The following TUSC3 variants were observed in gnomAD, a reference collection of about 807,000 sequenced individuals.
TUSC3 encodes dolichyl-diphosphooligosaccharide--protein glycosyltransferase subunit TUSC3.
A neutral mutation model predicts 44.8 loss-of-function variants in TUSC3; 45 were observed. That is an observed-to-expected ratio of 1.00 (90% CI 0.79 to 1.29). The LOEUF (loss-of-function observed/expected upper bound fraction) is 1.29, where lower values mean the gene tolerates loss of function less well. Among genes scored for constraint, TUSC3 ranks in the 50% most tolerant of loss-of-function variants. TUSC3 has a pLI of 0.00. For synonymous variants in TUSC3, 212 were observed against 152.9 expected, an observed-to-expected ratio of 1.39 and a Z score of -2.85; for missense variants, 519 against 437.9, an observed-to-expected ratio of 1.19 and a Z score of -1.65.
intron 3 of TUSC3, among the ~76,000 whole-genome samples, chr8:15,656,992 T>A (rs1404410733): frequency 4.6e-5 from 7 of 152,154 alleles, no homozygotes. Flanking sequence ...TACAGCAGTA[T>A]GCAGGGAGTG....
intron 2 of TUSC3, among the ~76,000 whole-genome samples, chr8:15,633,094 A>ATG (rs376886918): frequency 2.6e-5 from 4 of 151,036 alleles, no homozygotes; most frequent in Non-Finnish European, 5.9e-5. Context: ...TTCTGTGGGG[A>ATG]TGTGTGTGTG....
intron 2 of TUSC3, among the ~76,000 whole-genome samples, chr8:15,497,386 G>A (rs77863079): frequency 0.023 from 3,504 of 152,244 alleles, 60 homozygotes; most frequent in Middle Eastern, 0.051. Context: ...AGCCTGCCTC[G>A]CTCTTGCCCT....
intron 1 of TUSC3, among the ~76,000 whole-genome samples, chr8:15,555,643 G>C (rs1021155741): frequency 6.6e-6 from 1 of 151,462 alleles, no homozygotes; most frequent in Non-Finnish European, 1.5e-5. Flanking sequence ...ATTTTACTTC[G>C]AAGGTCTCAA....
At chr8:15,481,105 C>T (rs1263747995) in intron 1 of TUSC3, among the ~76,000 whole-genome samples, 1 of 151,854 alleles carries the variant, frequency 6.6e-6, no homozygotes, top group Admixed American at 6.6e-5. Flanking sequence ...AAAAATATCC[C>T]AGTGTGGTGG....
At chr8:15,771,653 G>A in the TUSC3 span, among the ~76,000 whole-genome samples, 1 of 152,060 alleles carries the variant, frequency 6.6e-6, no homozygotes, top group Non-Finnish European at 1.5e-5. Flanking sequence ...AAAACAACCA[G>A]TGGATCACAG....
the TUSC3 span, among the ~76,000 whole-genome samples, chr8:15,786,188 TAA>T: frequency 6.6e-6 from 1 of 152,170 alleles, no homozygotes; most frequent in Non-Finnish European, 1.5e-5. Flanking sequence ...CTCACACCTC[TAA>T]AGAGACCACT....
chr8:15,754,022 C>T (rs1303469335), intron 9 of TUSC3, among the ~76,000 whole-genome samples: 1 of 151,958 alleles, frequency 6.6e-6, no homozygotes, highest in Non-Finnish European at 1.5e-5. Flanking sequence ...AACATAGCAC[C>T]ACGTTGTTAA....
the TUSC3 span, among the ~76,000 whole-genome samples, chr8:15,791,709 A>G: frequency 6.6e-6 from 1 of 152,192 alleles, no homozygotes; most frequent in Non-Finnish European, 1.5e-5. Context: ...AGAAATTAAG[A>G]AACTTCATTT....
chr8:15,728,637 A>G (rs1378502032), intron 6 of TUSC3, among the ~76,000 whole-genome samples: 1 of 152,082 alleles, frequency 6.6e-6, no homozygotes, highest in Non-Finnish European at 1.5e-5. Context: ...ATAGAAAGGG[A>G]TATCAGGAGT....
intron 2 of TUSC3, among the ~76,000 whole-genome samples, chr8:15,641,718 G>C (rs1806380936): frequency 6.6e-6 from 1 of 152,204 alleles, no homozygotes; most frequent in African/African-American, 2.4e-5. Context: ...TTACAAAGTT[G>C]AAAGCCAGTC....
intron 1 of TUSC3, among the ~76,000 whole-genome samples, chr8:15,614,409 A>G (rs1482179432): frequency 2.0e-5 from 3 of 152,154 alleles, no homozygotes; most frequent in African/African-American, 7.2e-5. Context: ...AGAACATTTT[A>G]TCTCTTCAGT....
At chr8:15,495,598 C>T (rs1193222137) in intron 2 of TUSC3, among the ~76,000 whole-genome samples, 2 of 152,186 alleles carry the variant, frequency 1.3e-5, no homozygotes, top group South Asian at 2.1e-4. Flanking sequence ...TGTGTATTCC[C>T]CTCCCCTAAT....
rs1169109818 is a variant in TUSC3 at position 15,662,160 on chromosome 8, G to A, written c.572G>A (p.Arg191Gln). The change falls in exon 5 of 11, where the codon CGG (arginine) becomes CAG (glutamine). Residue 191 changes from arginine (R) to glutamine (Q), a missense_variant. By Grantham distance (43) the Arg-to-Gln change is conservative. Coordinates refer to ENST00000503731, the MANE Select transcript of TUSC3 (RefSeq NM_006765.4). Reference protein sequence around the residue: ...WIADRTDVHIRVFRPPNYSGT... With the variant: ...WIADRTDVHIQVFRPPNYSGT... ...ATTTCTATTGCATTTTTGCAGATTC[G>A]GGTTTTCAGACCACCCAACTACTCT... The A allele has an allele frequency of 1.2e-6, 2 of 1,612,118 alleles. No individual in the cohort carries two copies. Among genetic ancestry groups the A allele is most frequent in the Admixed American group, 1.7e-5 (1 of 59,842 alleles).
chr8:15,648,536 C>G (rs1304852300), intron 2 of TUSC3, among the ~76,000 whole-genome samples: 1 of 151,552 alleles, frequency 6.6e-6, no homozygotes, highest in African/African-American at 2.4e-5. Context: ...ACCATCCTGG[C>G]TAAGACGGTG....
chr8:15,469,371 G>C (rs764666825), intron 1 of TUSC3, among the ~76,000 whole-genome samples: 3 of 152,082 alleles, frequency 2.0e-5, no homozygotes, highest in Non-Finnish European at 2.9e-5. Context: ...CATCACCGAA[G>C]ATATACAGAT....
At chr8:15,737,518 A>G (rs1022183828) in intron 7 of TUSC3, among the ~76,000 whole-genome samples, 4 of 152,186 alleles carry the variant, frequency 2.6e-5, no homozygotes. Flanking sequence ...CAGCAAAGAA[A>G]CTGGAGTGTG....
chr8:15,849,666 C>T, the TUSC3 span, among the ~76,000 whole-genome samples: 1 of 152,226 alleles, frequency 6.6e-6, no homozygotes, highest in East Asian at 1.9e-4. Flanking sequence ...GTAAGAATGC[C>T]TACAGGGTAA....
intron 1 of TUSC3, among the ~76,000 whole-genome samples, chr8:15,466,053 C>T (rs900674114): frequency 1.3e-5 from 2 of 152,144 alleles, no homozygotes; most frequent in African/African-American, 4.8e-5. Flanking sequence ...TCAATATATC[C>T]CGCTTTTTCT....
chr8:15,700,610 G>T (rs183283426), intron 6 of TUSC3, among the ~76,000 whole-genome samples: 23 of 152,202 alleles, frequency 1.5e-4, no homozygotes, highest in Middle Eastern at 3.4e-3. Context: ...TGTGAGTGTT[G>T]AGAAATGAGG....
Sources: gnomAD v4.1 joint callset for allele counts (sites outside exome capture counted in the v4.1 genomes callset) on GRCh38, gnomAD v4.1.1 for gene constraint, MANE v1.5 for transcripts, NCBI Gene and HGNC (gene_info 2026-07-23, HGNC 2026-07-21) for gene names.